Variants in HECW1 observed in about 807,000 individuals in gnomAD.
The protein encoded by HECW1 is HECT, C2 and WW domain containing E3 ubiquitin protein ligase 1.
HECW1 carries 61 observed loss-of-function variants against 182.3 expected under a neutral mutation model. The observed-to-expected ratio is 0.33, with a 90% confidence interval of 0.27 to 0.41. The LOEUF (loss-of-function observed/expected upper bound fraction) is 0.41. Ranked by LOEUF, HECW1 falls within the 10% of genes least tolerant of loss-of-function variation. The pLI is 1.00. For synonymous variants in HECW1, 859 were observed against 832.6 expected, an observed-to-expected ratio of 1.03 and a Z score of -0.55; for missense variants, 1,739 against 2,108.9, an observed-to-expected ratio of 0.82 and a Z score of 3.44.
At chr7:43,235,854 A>G (rs1359837393) in intron 2 of HECW1, among the ~76,000 whole-genome samples, 1 of 152,114 alleles carries the variant, frequency 6.6e-6, no homozygotes, top group African/African-American at 2.4e-5. Context: ...TGGATTCTAG[A>G]TGGATAAAAA....
In HECW1 at chr7:43,166,346, A is replaced by G. The variant is rs1230401482; in HGVS notation, c.-32+51955A>G. Among the ~76,000 whole-genome samples, 3 of 152,174 alleles carry G rather than the reference A, an allele frequency of 2.0e-5. 1 individual carries two copies. Among genetic ancestry groups the G allele is most frequent in the Non-Finnish European group, 2.9e-5 (2 of 68,026 alleles). The stretch of plus-strand genomic sequence containing the variant: ...GTGTTCCACCTGCCTTGGCCTCCCA[A>G]AGTGCTAAGATTATAGGCATGAGCC... On this transcript the variant is annotated intron_variant, in intron 2 of 29. Coordinates refer to ENST00000395891, the MANE Select transcript of HECW1 (RefSeq NM_015052.5).
At position 43,296,795 on chromosome 7, in the gene HECW1, G is replaced by A. The variant is rs79740466; in HGVS notation, c.28-14968G>A. On this transcript the variant is annotated intron_variant, in intron 3 of 29. Transcript: ENST00000395891. ...GCCAGCCGTTCAGGGTGCACTTTGC[G>A]GCCTCCACAGCTCTGCTCCTTGCTG... 8.9e-3 allele frequency among the ~76,000 whole-genome samples: 1,361 copies of A among 152,262 alleles called. 27 individuals are homozygous for A. The highest frequency in any genetic ancestry group is 0.029 in the African/African-American group (1,201 of 41,536).
At chr7:43,190,746 A>T (rs1793840961) in intron 2 of HECW1, among the ~76,000 whole-genome samples, 1 of 152,170 alleles carries the variant, frequency 6.6e-6, no homozygotes, top group African/African-American at 2.4e-5. Flanking sequence ...CTCTTCCCAG[A>T]ATGCTCTCCC....
At chr7:43,553,048 C>T (rs1053171857) in intron 28 of HECW1, among the ~76,000 whole-genome samples, 5 of 152,178 alleles carry the variant, frequency 3.3e-5, no homozygotes, top group African/African-American at 7.2e-5. Flanking sequence ...CCCTCTCTGC[C>T]TCAATCCTGG....
chr7:43,559,191 A>T (rs149874347), intron 29 of HECW1, among the ~76,000 whole-genome samples: 37 of 152,136 alleles, frequency 2.4e-4, no homozygotes, highest in African/African-American at 8.7e-4. Context: ...TAGATGACAC[A>T]GTTAGAAGGA....
At chr7:43,343,050 G>A (rs1057396805) in intron 5 of HECW1, among the ~76,000 whole-genome samples, 2 of 151,476 alleles carry the variant, frequency 1.3e-5, no homozygotes, top group Non-Finnish European at 2.9e-5. Flanking sequence ...ATGTTTCTAC[G>A]TAGATAATTT....
chr7:43,201,546 A>G (rs902662432), intron 2 of HECW1, among the ~76,000 whole-genome samples: 1 of 152,248 alleles, frequency 6.6e-6, no homozygotes, highest in African/African-American at 2.4e-5. Flanking sequence ...CGGAACAGCC[A>G]GTGTTCATTC....
intron 5 of HECW1, among the ~76,000 whole-genome samples, chr7:43,322,210 C>T (rs772034748): frequency 6.6e-6 from 1 of 152,190 alleles, no homozygotes; most frequent in Non-Finnish European, 1.5e-5. Flanking sequence ...GCTGGGATTA[C>T]AGGCACCTGC....
intron 2 of HECW1, among the ~76,000 whole-genome samples, chr7:43,176,750 T>A (rs1350106495): frequency 6.6e-6 from 1 of 152,238 alleles, no homozygotes; most frequent in Non-Finnish European, 1.5e-5. Context: ...CACTGCTGCA[T>A]GGCGGACTAA....
chr7:43,136,873 A>G (rs1248191250), intron 2 of HECW1, among the ~76,000 whole-genome samples: 4 of 152,136 alleles, frequency 2.6e-5, no homozygotes, highest in Non-Finnish European at 4.4e-5. Flanking sequence ...GATGTTCCCA[A>G]CCTAAGACTG....
chr7:43,335,166 A>T (rs1811963043), intron 5 of HECW1, among the ~76,000 whole-genome samples: 1 of 152,222 alleles, frequency 6.6e-6, no homozygotes, highest in African/African-American at 2.4e-5. Flanking sequence ...GAGTTCAGGA[A>T]CATGCAGAAA....
chr7:43,512,380 C>A (rs993356063), intron 24 of HECW1, among the ~76,000 whole-genome samples: 1 of 152,148 alleles, frequency 6.6e-6, no homozygotes. Context: ...ATAAACATGG[C>A]AAACCAGGTC....
intron 6 of HECW1, among the ~76,000 whole-genome samples, chr7:43,364,726 A>G (rs2152815393): frequency 6.6e-6 from 1 of 152,382 alleles, no homozygotes; most frequent in South Asian, 2.1e-4. Flanking sequence ...TTTAAAGAAT[A>G]TAGGACTTAT....
intron 3 of HECW1, among the ~76,000 whole-genome samples, chr7:43,247,148 GCT>G (rs1248600352): frequency 6.6e-6 from 1 of 152,204 alleles, no homozygotes; most frequent in East Asian, 1.9e-4. Context: ...TCAGAGTTTA[GCT>G]CTGTTTTGAC....
At chr7:43,132,376 A>G (rs1020958973) in intron 2 of HECW1, among the ~76,000 whole-genome samples, 7 of 152,214 alleles carry the variant, frequency 4.6e-5, no homozygotes, top group Non-Finnish European at 1.0e-4. Context: ...ACAAATTCCT[A>G]TTCCCCAATA....
chr7:43,398,438 T>G (rs1417957192), intron 7 of HECW1, among the ~76,000 whole-genome samples: 1 of 152,066 alleles, frequency 6.6e-6, no homozygotes, highest in African/African-American at 2.4e-5. Context: ...ACTACTACCT[T>G]AGCTTGTCAA....
chr7:43,361,187 G>A (rs151209612), intron 6 of HECW1, among the ~76,000 whole-genome samples: 1 of 152,086 alleles, frequency 6.6e-6, no homozygotes, highest in East Asian at 1.9e-4. Context: ...ATCCATAGTC[G>A]ACCTTATTAA....
chr7:43,183,971 AAT>A (rs1264590026), intron 2 of HECW1, among the ~76,000 whole-genome samples: 1 of 87,960 alleles, frequency 1.1e-5, no homozygotes, highest in Non-Finnish European at 2.6e-5. Context: ...TTAAAAAAAA[AAT>A]CAAGATGTGA....
chr7:43,457,461 A>G (rs2077439867), intron 13 of HECW1, among the ~76,000 whole-genome samples: 1 of 152,202 alleles, frequency 6.6e-6, no homozygotes, highest in Non-Finnish European at 1.5e-5. Context: ...AAAGGAGGAG[A>G]AACAATTTAG....
Sources: allele counts gnomAD v4.1 joint callset (sites outside exome capture counted in the v4.1 genomes callset), GRCh38; gene constraint gnomAD v4.1.1; transcripts MANE v1.5; gene names NCBI Gene and HGNC (gene_info 2026-07-23, HGNC 2026-07-21).